TRPM3: variants seen among roughly 807,000 people sequenced by gnomAD.
TRPM3 encodes transient receptor potential cation channel subfamily M member 3.
A neutral mutation model predicts 181.2 loss-of-function variants in TRPM3; 77 were observed. That is an observed-to-expected ratio of 0.42 (90% CI 0.35 to 0.51). The LOEUF (loss-of-function observed/expected upper bound fraction) is 0.51. Among genes scored for constraint, TRPM3 ranks in the 20% least tolerant of loss-of-function variants. TRPM3 has a pLI of 0.01. For synonymous variants in TRPM3, 745 were observed against 796.4 expected, an observed-to-expected ratio of 0.94 and a Z score of 1.09; for missense variants, 1,759 against 2,196.7, an observed-to-expected ratio of 0.80 and a Z score of 3.98.
In TRPM3 at chr9:71,069,969, C is replaced by A. The variant is rs531857504; in HGVS notation, c.177+51209G>T. 7.9e-5 allele frequency among the ~76,000 whole-genome samples: 12 copies of A among 152,258 alleles called. No homozygotes were observed. The South Asian group carries it at 2.5e-3, about 32-fold the overall frequency. On this transcript the variant is annotated intron_variant, in intron 1 of 25. Transcript: ENST00000677713. The stretch of plus-strand genomic sequence containing the variant: ...TCCCTCAACACCAATCTGTTCTGAG[C>A]AAGAAAAAGTAGGTTTAAAGCCACC...
chr9:71,213,456 T>A (rs974689315), intron 1 of TRPM3, among the ~76,000 whole-genome samples: 9 of 152,218 alleles, frequency 5.9e-5, no homozygotes, highest in Non-Finnish European at 1.3e-4. Context: ...AGAACAAATA[T>A]GTTTTGAAAA....
chr9:71,372,463 T>C (rs568069436), intron 1 of TRPM3, among the ~76,000 whole-genome samples: 1 of 152,308 alleles, frequency 6.6e-6, no homozygotes, highest in South Asian at 2.1e-4. Flanking sequence ...TGTAAAGGCA[T>C]TCCTTTTTCT....
chr9:70,909,765 A>G (rs2096518840), intron 1 of TRPM3, among the ~76,000 whole-genome samples: 1 of 152,228 alleles, frequency 6.6e-6, no homozygotes, highest in Admixed American at 6.5e-5. Context: ...CAAGAAAATG[A>G]GAATTATTTA....
intron 1 of TRPM3, among the ~76,000 whole-genome samples, chr9:71,223,695 G>T (rs377389500): frequency 6.6e-6 from 1 of 152,162 alleles, no homozygotes; most frequent in Non-Finnish European, 1.5e-5. Context: ...GTGAGTCCCT[G>T]CCCTGGCAGC....
rs568626375 is a variant in TRPM3, at chr9:70,979,232, T to G, written c.178-114721A>C. 2.6e-5 allele frequency among the ~76,000 whole-genome samples: 4 copies of G among 152,298 alleles called. No individual in the cohort carries two copies. In the South Asian group the frequency reaches 6.2e-4, roughly 24 times the overall value. On this transcript the variant is annotated intron_variant, in intron 1 of 25. Coordinates refer to ENST00000677713, the MANE Select transcript of TRPM3 (RefSeq NM_001366145.2). ...TCTCCATTTGCCATTCCATTGCCCG[T>G]TAACCTACAGACCTGGCCAGACATG...
chr9:70,999,415 G>A lies in TRPM3; in HGVS notation c.177+121763C>T, dbSNP rs189267126. 2.6e-5 allele frequency among the ~76,000 whole-genome samples: 4 copies of A among 152,298 alleles called. No homozygotes were observed. The East Asian group carries it at 5.8e-4, about 22-fold the overall frequency. Reference sequence around the variant, plus strand: ...GGCACAGCTGTACCTGGGCCTGAACGTGATCTGAAATAATAAGCAGAATTG... The same window carrying A: ...GGCACAGCTGTACCTGGGCCTGAACATGATCTGAAATAATAAGCAGAATTG... On this transcript the variant is annotated intron_variant, in intron 1 of 25. Coordinates refer to ENST00000677713, the MANE Select transcript of TRPM3 (RefSeq NM_001366145.2).
intron 9 of TRPM3, among the ~76,000 whole-genome samples, chr9:70,669,908 A>T (rs1015454157): frequency 6.6e-6 from 1 of 151,928 alleles, no homozygotes; most frequent in African/African-American, 2.4e-5. Flanking sequence ...GGATATTTAA[A>T]AAAATTTTTG....
intron 1 of TRPM3, among the ~76,000 whole-genome samples, chr9:70,979,688 G>A (rs1590251915): frequency 6.6e-6 from 1 of 152,162 alleles, no homozygotes; most frequent in East Asian, 1.9e-4. Flanking sequence ...AACTGTCATA[G>A]TCTGCTCAAG....
intron 1 of TRPM3, among the ~76,000 whole-genome samples, chr9:71,349,948 T>C (rs186573539): frequency 6.8e-6 from 1 of 148,124 alleles, no homozygotes; most frequent in Non-Finnish European, 1.5e-5. Flanking sequence ...TCCATCATAA[T>C]AATGATCTCA....
intron 1 of TRPM3, among the ~76,000 whole-genome samples, chr9:71,193,955 G>A (rs1467029426): frequency 1.3e-5 from 2 of 151,864 alleles, no homozygotes; most frequent in South Asian, 2.1e-4. Context: ...AACCATCAAA[G>A]TTAGGTAAAG....
intron 5 of TRPM3, among the ~76,000 whole-genome samples, chr9:70,838,856 A>G (rs1301584404): frequency 6.6e-6 from 1 of 152,176 alleles, no homozygotes; most frequent in African/African-American, 2.4e-5. Context: ...TGAGAAAAAA[A>G]GGGCTTGGTT....
intron 1 of TRPM3, among the ~76,000 whole-genome samples, chr9:71,348,600 C>T (rs1367434363): frequency 6.6e-6 from 1 of 151,582 alleles, no homozygotes; most frequent in African/African-American, 2.4e-5. Flanking sequence ...GACTGAGTCT[C>T]ATTCTGTCAC....
intron 1 of TRPM3, among the ~76,000 whole-genome samples, chr9:71,287,009 C>CATATAATATAGT (rs1204255959): frequency 9.3e-6 from 1 of 107,008 alleles, no homozygotes; most frequent in East Asian, 2.0e-4. Context: ...TAATATACAA[C>CATATAATATAGT]ATATAATATA....
chr9:70,802,173 A>G (rs1433547538), intron 6 of TRPM3, among the ~76,000 whole-genome samples: 1 of 152,238 alleles, frequency 6.6e-6, no homozygotes, highest in African/African-American at 2.4e-5. Context: ...AAAGAAGTGA[A>G]ATCTAAAAAG....
intron 1 of TRPM3, among the ~76,000 whole-genome samples, chr9:70,929,189 T>G (rs998237383): frequency 6.6e-6 from 1 of 151,704 alleles, no homozygotes; most frequent in African/African-American, 2.4e-5. Context: ...TTGCCTCATC[T>G]CTTAAATATA....
At chr9:70,853,294 G>C (rs915299406) in intron 3 of TRPM3, among the ~76,000 whole-genome samples, 2 of 152,204 alleles carry the variant, frequency 1.3e-5, no homozygotes, top group Non-Finnish European at 1.5e-5. Flanking sequence ...GGTGGCTCTA[G>C]ATGGGGCTGT....
At chr9:71,205,104 C>T (rs1330317960) in intron 1 of TRPM3, among the ~76,000 whole-genome samples, 1 of 151,870 alleles carries the variant, frequency 6.6e-6, no homozygotes, top group Non-Finnish European at 1.5e-5. Flanking sequence ...AGGAGATATA[C>T]CTAATGTTAA....
intron 1 of TRPM3, among the ~76,000 whole-genome samples, chr9:71,223,353 A>G (rs1009259098): frequency 5.3e-5 from 8 of 152,216 alleles, no homozygotes; most frequent in African/African-American, 1.9e-4. Context: ...GGCAGGATCC[A>G]TCATCTGCTG....
intron 3 of TRPM3, among the ~76,000 whole-genome samples, chr9:70,858,116 C>A (rs2132302308): frequency 6.6e-6 from 1 of 152,296 alleles, no homozygotes; most frequent in African/African-American, 2.4e-5. Context: ...GTCCAGACCA[C>A]ACTGGCAACA....
Sources: allele counts gnomAD v4.1 joint callset (sites outside exome capture counted in the v4.1 genomes callset), GRCh38; gene constraint gnomAD v4.1.1; transcripts MANE v1.5; gene names NCBI Gene and HGNC (gene_info 2026-07-23, HGNC 2026-07-21).